VPS13D: variants seen among roughly 807,000 people sequenced by gnomAD.
VPS13D encodes the protein vacuolar protein sorting 13 homolog D.
Under a neutral mutation model 461.9 loss-of-function variants are expected in VPS13D, and 187 were observed. The observed-to-expected ratio is 0.40, with a 90% CI of 0.36 to 0.46. The LOEUF is 0.46. Among genes scored for constraint, VPS13D ranks in the 20% least tolerant of loss-of-function variants. The probability of loss-of-function intolerance (pLI) is 0.60; values close to 1 mark genes in which losing one functional copy is unlikely to be tolerated. For missense variants in VPS13D, 4,711 were observed against 5,364.9 expected, an observed-to-expected ratio of 0.88 and a Z score of 3.81; for synonymous variants, 1,951 against 1,986.3, an observed-to-expected ratio of 0.98 and a Z score of 0.47.
intron 57 of VPS13D, among the ~76,000 whole-genome samples, chr1:12,382,363 A>C (rs995765525): frequency 1.3e-5 from 2 of 152,074 alleles, no homozygotes; most frequent in African/African-American, 4.8e-5. Flanking sequence ...TGGCCTCCCG[A>C]AGTGCTGGGA....
chr1:12,432,394 C>CAA (rs565314145), intron 65 of VPS13D, among the ~76,000 whole-genome samples: 2,378 of 91,610 alleles, frequency 0.026, 79 homozygotes, highest in Admixed American at 0.14. Flanking sequence ...AACTCCGTCT[C>CAA]AAAAAAAAAA....
chr1:12,323,595 G>T, intron 34 of VPS13D, 111 bp from the exon 35 acceptor site: 4 of 1,045,432 alleles, frequency 3.8e-6, no homozygotes, highest in Non-Finnish European at 4.2e-6. Flanking sequence ...TTAGAGAAAT[G>T]AAATGTTTTA....
At chr1:12,491,142 A>G (rs556963979) in intron 67 of VPS13D, among the ~76,000 whole-genome samples, 1 of 152,326 alleles carries the variant, frequency 6.6e-6, no homozygotes, top group African/African-American at 2.4e-5. Flanking sequence ...TATATCAGTA[A>G]GATACTTGAT....
Position 12,290,936 on chromosome 1 carries a change from A to G in VPS13D, c.5726-62A>G, listed in dbSNP as rs1642115523. 4 of 1,486,074 alleles carry G rather than the reference A, an allele frequency of 2.7e-6. No individual in the cohort carries two copies. In the East Asian group the frequency reaches 7.2e-5, roughly 27 times the overall value. The allele number at this position is 1,486,074 out of a possible 1,614,324, so 92.1% of individuals were successfully genotyped here. On this transcript the variant is annotated intron_variant, in intron 22 of 69. Transcript: ENST00000620676. Reference sequence around the variant, plus strand: ...GTGTATACCAGCTTTTGTTCCAGACATATTTAAGTTGTGTGACAAAAAAGG... The same window carrying G: ...GTGTATACCAGCTTTTGTTCCAGACGTATTTAAGTTGTGTGACAAAAAAGG...
At chr1:12,448,345 A>G (rs1290587239) in intron 65 of VPS13D, among the ~76,000 whole-genome samples, 1 of 152,140 alleles carries the variant, frequency 6.6e-6, no homozygotes, top group Non-Finnish European at 1.5e-5. Flanking sequence ...GGCACAAGCT[A>G]TTTATGCAAA....
chr1:12,459,269 G>A (rs1055627374), intron 66 of VPS13D, among the ~76,000 whole-genome samples: 2 of 152,150 alleles, frequency 1.3e-5, no homozygotes, highest in African/African-American at 4.8e-5. Flanking sequence ...TGTGGGCATC[G>A]TATTAGCTAC....
chr1:12,456,636 CAAAAAAAAAAAAAA>C (rs367987300), intron 66 of VPS13D, among the ~76,000 whole-genome samples: 3 of 83,674 alleles, frequency 3.6e-5, no homozygotes, highest in South Asian at 4.2e-4. Flanking sequence ...GACTCCAATT[CAAAAAAAAAAAAAA>C]AAAAAAAAAA....
rs1644402721 is a variant in VPS13D, at chr1:12,389,991, CCTT to C, written c.11634+3661_11634+3663del. 3.9e-5 allele frequency among the ~76,000 whole-genome samples: 6 copies of C among 152,358 alleles called. No homozygotes were observed. The South Asian group carries it at 1.2e-3, about 32-fold the overall frequency. Reference sequence around the variant, plus strand: ...GTCACCCCAGCCAACACTGTAACTCCCTTCTTAGCCTCTTGACCTAAAGTTAGG... The same window carrying C: ...GTCACCCCAGCCAACACTGTAACTCCCTTAGCCTCTTGACCTAAAGTTAGG... On this transcript the variant is annotated intron_variant, in intron 60 of 69. Coordinates refer to ENST00000620676, the MANE Select transcript of VPS13D (RefSeq NM_015378.4).
At chr1:12,308,921 A>C (rs1642650363) in intron 27 of VPS13D, among the ~76,000 whole-genome samples, 1 of 152,244 alleles carries the variant, frequency 6.6e-6, no homozygotes, top group South Asian at 2.1e-4. Context: ...CTGGGATTAC[A>C]GGCGTGAGCC....
Position 12,276,766 on chromosome 1 carries a change from G to A in VPS13D, c.3178G>A (p.Asp1060Asn), listed in dbSNP as rs200303790. The A allele has an allele frequency of 1.0e-3, 1,611 of 1,614,136 alleles. 14 individuals carry two copies. The highest frequency in any genetic ancestry group is 9.1e-3 in the South Asian group (829 of 91,064). The change falls in exon 19 of 70, where the codon GAC becomes AAC. Residue 1060 changes from aspartate to asparagine, a missense_variant. By Grantham distance (23) the Asp-to-Asn change is conservative. Transcript: ENST00000620676. This position sits in a 1 kb window ranked among gnomAD's most constrained non-coding sequence, Gnocchi z 4.5. ...CTTAACTGATGGAGCTACACTGAAC[G>A]ACCGATCAGCTACTAGTGTTTCACT... ...AHLTDGATLN[D>N]RSATSVSLDK... is the part of the protein sequence containing the mutation.
At chr1:12,463,897 A>G (rs1221121978) in intron 67 of VPS13D, among the ~76,000 whole-genome samples, 3 of 152,206 alleles carry the variant, frequency 2.0e-5, no homozygotes, top group African/African-American at 7.2e-5. Context: ...GGATAAATTT[A>G]TCTCTCTGTT....
chr1:12,489,331 G>A (rs956662232), intron 67 of VPS13D, among the ~76,000 whole-genome samples: 3 of 152,168 alleles, frequency 2.0e-5, no homozygotes, highest in African/African-American at 7.2e-5. Flanking sequence ...AACAAGTCAG[G>A]TGTGAATCCC....
At chr1:12,255,500 G>A (rs1640891121) in intron 7 of VPS13D, among the ~76,000 whole-genome samples, 1 of 152,134 alleles carries the variant, frequency 6.6e-6, no homozygotes, top group Non-Finnish European at 1.5e-5. Flanking sequence ...GGTTGCCTCT[G>A]AGGAGGTAAG....
intron 65 of VPS13D, among the ~76,000 whole-genome samples, chr1:12,423,832 G>A (rs1644891884): frequency 6.6e-6 from 1 of 152,154 alleles, no homozygotes; most frequent in South Asian, 2.1e-4. Context: ...AGCATTTTTT[G>A]TTGTTGTTTA....
intron 59 of VPS13D, 51 bp from the exon 60 acceptor site, chr1:12,386,134 T>C (rs1006452968): frequency 6.4e-7 from 1 of 1,567,940 alleles, no homozygotes; most frequent in Non-Finnish European, 8.6e-7. Context: ...TCCTGGATAC[T>C]GTGAGCTGTG....
intron 21 of VPS13D, among the ~76,000 whole-genome samples, chr1:12,287,566 T>C (rs1255988435): frequency 6.6e-6 from 1 of 152,222 alleles, no homozygotes; most frequent in East Asian, 1.9e-4. Flanking sequence ...TCCCCTGTGA[T>C]GTTACTCAAA....
Position 12,383,034 on chromosome 1 carries a change from C to T in VPS13D, c.11249C>T (p.Thr3750Ile). 6.2e-7 allele frequency: 1 copy of T among 1,614,180 alleles called. No individual in the cohort carries two copies. Among genetic ancestry groups the T allele is most frequent in the Non-Finnish European group, 8.5e-7 (1 of 1,180,034 alleles). Residue 3750 changes from threonine to isoleucine, a missense_variant, in exon 58 of 70, where the codon ACT becomes ATT. By Grantham distance (89) the Thr-to-Ile change is moderately conservative. Coordinates refer to ENST00000620676, the MANE Select transcript of VPS13D (RefSeq NM_015378.4). ...DGAEVVLGPD[T>I]SMELLGPVPP... ...GCTGAAGTTGTTCTTGGTCCTGACA[C>T]TTCCATGGAGCTTTTGGGGCCAGTT...
In VPS13D at chr1:12,507,086, A is replaced by G. The variant is rs911243285; in HGVS notation, c.13028A>G (p.Lys4343Arg). The G allele has an allele frequency of 1.3e-5, 21 of 1,614,062 alleles. No homozygotes were observed. The highest frequency in any genetic ancestry group is 1.7e-5 in the Non-Finnish European group (20 of 1,180,036). ...TCCATCCCCGGCCCCTCCCACCAGA[A>G]GCCCATGGTGAGTGCCTGGCTGTTC... ...GVSIPGPSHQ[K>R]PMVHVKSEVL... is the part of the protein sequence containing the mutation. Residue 4343 changes from lysine (K) to arginine (R), a missense_variant, in exon 69 of 70, where the codon AAG (lysine) becomes AGG (arginine). By Grantham distance (26) the Lys-to-Arg change is conservative. This residue lies in a region of VPS13D where 194 missense variants were observed against 220.9 expected (regional missense o/e 0.88). Coordinates refer to ENST00000620676, the MANE Select transcript of VPS13D (RefSeq NM_015378.4). The surrounding 1 kb of genome is among the most constrained non-coding windows in gnomAD (Gnocchi z 5.3).
chr1:12,271,014 C>T lies in VPS13D; in HGVS notation c.1993C>T (p.Leu665Phe). The stretch of plus-strand genomic sequence containing the variant: ...TGCAGGTTTTGGTTATCAGTCTGAA[C>T]TTGAGCTGAGAGTGGCTGAAGCTGC... ...HTSGFGYQSE[L>F]ELRVAEAARR... is the part of the protein sequence containing the mutation. The change falls in exon 17 of 70, where the codon CTT becomes TTT. Residue 665 changes from leucine (L) to phenylalanine (F), a missense_variant. This residue lies in a region of VPS13D where 4,411 missense variants were observed against 4,937.8 expected (regional missense o/e 0.89). Coordinates refer to ENST00000620676, the MANE Select transcript of VPS13D (RefSeq NM_015378.4). 6.2e-7 allele frequency: 1 copy of T among 1,613,840 alleles called. No individual in the cohort carries two copies. The highest frequency in any genetic ancestry group is 8.5e-7 in the Non-Finnish European group (1 of 1,179,836).
Sources: gnomAD v4.1 joint callset for allele counts (sites outside exome capture counted in the v4.1 genomes callset) on GRCh38, gnomAD v4.1.1 for gene constraint, gnomAD v4.1.1 regional missense constraint, Gnocchi (gnomAD v3.1) non-coding constraint, MANE v1.5 for transcripts, NCBI Gene and HGNC (gene_info 2026-07-23, HGNC 2026-07-21) for gene names.